ASAH2: variants seen among roughly 807,000 people sequenced by gnomAD.
ASAH2 encodes neutral ceramidase.
Under a neutral mutation model 82.9 loss-of-function variants are expected in ASAH2, and 58 were observed. The ratio of observed to expected loss-of-function variants is 0.70; its 90% CI spans 0.57 to 0.87. The LOEUF (loss-of-function observed/expected upper bound fraction) is 0.87. Ranked by LOEUF, ASAH2 falls within the 40% of genes least tolerant of loss-of-function variation. The pLI is 0.00. For synonymous variants in ASAH2, 276 were observed against 289.7 expected (o/e 0.95, Z 0.48); for missense variants, 779 against 834.0 (o/e 0.93, Z 0.81).
intron 15 of ASAH2, 149 bp from the exon 16 acceptor site, chr10:50,203,073 A>G (rs1845199294): frequency 1.5e-6 from 1 of 652,500 alleles, no homozygotes; most frequent in East Asian, 2.7e-5. Flanking sequence ...CTACAGTTGG[A>G]CAAGTCAATG....
In ASAH2 at chr10:50,204,678, C is replaced by T. The variant is rs1041628073; in HGVS notation, c.1625+183G>A. ...CCTCAGGTGAGCCATCAATAATAAG[C>T]ATAGAGATAGTTATTCTTCAGAGGC... On this transcript the variant is annotated intron_variant, in intron 14 of 20. Coordinates refer to ENST00000682911, the MANE Select transcript of ASAH2 (RefSeq NM_019893.4). Among the ~76,000 whole-genome samples, 425 of 151,690 alleles carry T rather than the reference C, an allele frequency of 2.8e-3. 2 individuals carry two copies. The highest frequency in any genetic ancestry group is 9.8e-3 in the African/African-American group (406 of 41,402).
rs1234557465 is a variant in ASAH2 at position 50,186,444 on chromosome 10, T to C, written c.*871A>G. 2.0e-5 allele frequency: 1 copy of C among 50,176 alleles called. No individual in the cohort carries two copies. The highest frequency in any genetic ancestry group is 7.3e-5 in the Non-Finnish European group (1 of 13,642). 3.1% of individuals were successfully genotyped at this position (50,176 alleles called of 1,614,324 possible). A position where few individuals can be genotyped will look rare whatever the true frequency, so the allele number is the denominator to read the frequency against. ...AGTGCTTTCCCAGCCAGTAATATTT[T>C]TAATATCTACACTAATGGCAAAACT... is the stretch of plus-strand genomic sequence containing the variant. On this transcript the variant is annotated 3_prime_UTR_variant, in exon 21 of 21. Transcript: ENST00000682911.
chr10:50,228,764 A>AAG lies in ASAH2; in HGVS notation c.893+4418_893+4419dup, dbSNP rs542169176. Among the ~76,000 whole-genome samples the AAG allele has an allele frequency of 3.2e-3, 479 of 151,996 alleles. 2 individuals carry two copies. Among genetic ancestry groups the AAG allele is most frequent in the African/African-American group, 9.8e-3 (405 of 41,376 alleles). Reference sequence around the variant, plus strand: ...CAGTGGAGAGGAGAGGAGAAGAGAAAAGAGGGGAGGAAGAAGAGGAGGAGG... The same window carrying AAG: ...CAGTGGAGAGGAGAGGAGAAGAGAAAAGAGAGGGGAGGAAGAAGAGGAGGAGG... On this transcript the variant is annotated intron_variant, in intron 7 of 20. Transcript: ENST00000682911.
chr10:50,234,064 TGAA>T (rs1439791262), intron 6 of ASAH2, among the ~76,000 whole-genome samples: 13 of 152,084 alleles, frequency 8.5e-5, no homozygotes, highest in Admixed American at 7.9e-4. Context: ...ATTTTACTGA[TGAA>T]GAAGCTGAGA....
intron 18 of ASAH2, among the ~76,000 whole-genome samples, chr10:50,193,559 C>T (rs1158631593): frequency 3.3e-5 from 5 of 151,560 alleles, no homozygotes; most frequent in South Asian, 2.1e-4. Context: ...AGAGTTGTGA[C>T]AAGATTCTGT....
Position 50,202,764 on chromosome 10 carries a change from G to T in ASAH2, c.1761+65C>A, listed in dbSNP as rs1477227468. The T allele has an allele frequency of 5.4e-6, 6 of 1,108,800 alleles. No homozygotes were observed. In the South Asian group the frequency reaches 6.2e-5, roughly 11 times the overall value. The allele number at this position is 1,108,800 out of a possible 1,614,324, so 68.7% of individuals were successfully genotyped here. ...CTGGGAAAGTTTACAAAGCAAGTCT[G>T]CATTTGACACAATAGTCTTTACTGG... On this transcript the variant is annotated intron_variant, in intron 16 of 20. Transcript: ENST00000682911.
chr10:50,228,305 G>A lies in ASAH2; in HGVS notation c.893+4879C>T, dbSNP rs949244158. Among the ~76,000 whole-genome samples the A allele has an allele frequency of 9.2e-5, 14 of 152,220 alleles. No individual in the cohort carries two copies. In the South Asian group the frequency reaches 1.2e-3, roughly 14 times the overall value. On this transcript the variant is annotated intron_variant, in intron 7 of 20. Transcript: ENST00000682911. The stretch of plus-strand genomic sequence containing the variant: ...AGAGAACAAGAATGGTTTGGTAGAG[G>A]GCAGTCACTAAGGTTTCAGCATTTG...
chr10:50,235,975 T>C lies in ASAH2; in HGVS notation c.600A>G (p.Ala200=), dbSNP rs1010948930. ...CAAACACGGTATACTGGAAATATCC[T>C]GCAGGACCTGAATGAGTGTGAGTGC... The part of the protein sequence containing the change: ...LSGTHTHSGP[A]GYFQYTVFVI... The change falls in exon 5 of 21, where the codon GCA becomes GCG. Residue 200 remains alanine (A), a synonymous_variant. Transcript: ENST00000682911. 1 of 1,613,358 alleles carries C rather than the reference T, an allele frequency of 6.2e-7. No homozygotes were observed. The highest frequency in any genetic ancestry group is 1.1e-5 in the South Asian group (1 of 91,070).
At position 50,212,182 on chromosome 10, in the gene ASAH2, A is replaced by AACACACACACACACAC. The variant is rs3837301; in HGVS notation, c.1227+774_1227+789dup. Among the ~76,000 whole-genome samples, 278 of 147,002 alleles carry AACACACACACACACAC rather than the reference A, an allele frequency of 1.9e-3. 2 individuals are homozygous for AACACACACACACACAC. Among genetic ancestry groups the AACACACACACACACAC allele is most frequent in the East Asian group, 5.6e-3 (28 of 4,998 alleles). On this transcript the variant is annotated intron_variant, in intron 10 of 20. Coordinates refer to ENST00000682911, the MANE Select transcript of ASAH2 (RefSeq NM_019893.4). Reference sequence around the variant, plus strand: ...TAGAACCCTTGGAATAAACTATTTAAACACACACACACACACACACACACA... The same window carrying AACACACACACACACAC: ...TAGAACCCTTGGAATAAACTATTTAAACACACACACACACACACACACACACACACACACACACACA...
At chr10:50,206,537 TACACACAC>T (rs544968746) in intron 12 of ASAH2, among the ~76,000 whole-genome samples, 59 of 130,822 alleles carry the variant, frequency 4.5e-4, no homozygotes, top group African/African-American at 1.1e-3. Context: ...TTTAGTTATC[TACACACAC>T]ACACACACAC....
intron 4 of ASAH2, chr10:50,240,690 C>T (rs1290017528): frequency 4.5e-6 from 3 of 670,682 alleles, no homozygotes; most frequent in African/African-American, 3.6e-5. Flanking sequence ...AGTCTACATC[C>T]CTCCTTTGTG....
At chr10:50,203,952 C>A (rs886202806) in intron 14 of ASAH2, among the ~76,000 whole-genome samples, 17 of 152,076 alleles carry the variant, frequency 1.1e-4, no homozygotes, top group Non-Finnish European at 1.9e-4. Context: ...ATTTTCCATT[C>A]TTGAGTCAAC....
At chr10:50,202,772 C>T (rs904724446) in intron 16 of ASAH2, 57 bp downstream of exon 16, 273 of 1,181,266 alleles carry the variant, frequency 2.3e-4, no homozygotes, top group Non-Finnish European at 3.4e-4. Context: ...CTGCATTTGA[C>T]ACAATAGTCT....
intron 4 of ASAH2, among the ~76,000 whole-genome samples, chr10:50,238,644 G>A (rs1249188522): frequency 6.6e-6 from 1 of 152,084 alleles, no homozygotes; most frequent in Non-Finnish European, 1.5e-5. Flanking sequence ...TTAACAATTT[G>A]CAGCTAAGAC....
chr10:50,214,941 C>T (rs1564839932), intron 8 of ASAH2, 73 bp from the exon 9 acceptor site: 10 of 1,571,190 alleles, frequency 6.4e-6, no homozygotes, highest in Non-Finnish European at 7.8e-6. Context: ...GAAATACAAA[C>T]ATTAAATCCA....
intron 9 of ASAH2, among the ~76,000 whole-genome samples, chr10:50,213,694 A>C (rs1486117492): frequency 1.3e-5 from 2 of 152,220 alleles, no homozygotes; most frequent in South Asian, 2.1e-4. Flanking sequence ...AAACATCTTA[A>C]ATTTCCATAG....
At chr10:50,205,928 C>T in intron 13 of ASAH2, 54 bp downstream of exon 13, 1 of 1,329,274 alleles carries the variant, frequency 7.5e-7, no homozygotes, top group Non-Finnish European at 1.1e-6. Flanking sequence ...TGACAGTTCA[C>T]ATATTTAAAA....
chr10:50,213,048 C>T lies in ASAH2; in HGVS notation c.1151G>A (p.Cys384Tyr). ...STCPIGGPSM[C>Y]IAKGPGQDMF... ...ATCCTGTCCAGGTCCCTTAGCAATG[C>T]ACATGCTAGGCTGGAACAAAATAAG... The change falls in exon 10 of 21, where the codon TGC (cysteine) becomes TAC (tyrosine). Residue 384 changes from cysteine (C) to tyrosine (Y), a missense_variant. By Grantham distance (194) the Cys-to-Tyr change is radical. Coordinates refer to ENST00000682911, the MANE Select transcript of ASAH2 (RefSeq NM_019893.4). 6.2e-7 allele frequency: 1 copy of T among 1,613,142 alleles called. No individual in the cohort carries two copies. The highest frequency in any genetic ancestry group is 8.5e-7 in the Non-Finnish European group (1 of 1,179,160).
chr10:50,231,683 G>C (rs1478050705), intron 7 of ASAH2, among the ~76,000 whole-genome samples: 4 of 152,168 alleles, frequency 2.6e-5, no homozygotes, highest in Non-Finnish European at 5.9e-5. Context: ...CAAGAGATAA[G>C]TTGATTGTAG....
Sources: allele counts gnomAD v4.1 joint callset (sites outside exome capture counted in the v4.1 genomes callset), GRCh38; gene constraint gnomAD v4.1.1; transcripts MANE v1.5; gene names NCBI Gene and HGNC (gene_info 2026-07-23, HGNC 2026-07-21).